Variants in ZNF177 observed in about 807,000 individuals in gnomAD.
ZNF177 encodes the protein zinc finger protein 177.
In ZNF177, 17 loss-of-function variants were observed where a neutral mutation model predicts 19.4. The observed-to-expected ratio is 0.87, with a 90% confidence interval of 0.60 to 1.31. The LOEUF is 1.31. Ranked by LOEUF, ZNF177 falls within the 40% of genes most tolerant of loss-of-function variation. ZNF177 has a pLI of 0.00. For missense variants in ZNF177, 633 were observed against 561.8 expected, an observed-to-expected ratio of 1.13 and a Z score of -1.28; for synonymous variants, 220 against 188.7, an observed-to-expected ratio of 1.17 and a Z score of -1.36.
intron 2 of ZNF177, among the ~76,000 whole-genome samples, chr19:9,369,218 G>C (rs1247234066): frequency 6.6e-6 from 1 of 151,744 alleles, no homozygotes; most frequent in East Asian, 1.9e-4. Context: ...TTTTTCATAT[G>C]ATCTTTCTAT....
At chr19:9,363,897 C>T (rs2067941238) in intron 1 of ZNF177, among the ~76,000 whole-genome samples, 1 of 152,220 alleles carries the variant, frequency 6.6e-6, no homozygotes, top group Non-Finnish European at 1.5e-5. Flanking sequence ...TCCTTGCTGC[C>T]TTCCAGGTCT....
upstream of ZNF177, among the ~76,000 whole-genome samples, chr19:9,375,328 A>G (rs1045581276): frequency 6.6e-6 from 1 of 152,156 alleles, no homozygotes; most frequent in East Asian, 1.9e-4. Flanking sequence ...TGGCTTTGGT[A>G]TCAGTGTAAT....
chr19:9,378,408 G>A (rs1331955271), intron 2 of ZNF177, 64 bp downstream of exon 4: 7 of 1,602,798 alleles, frequency 4.4e-6, no homozygotes, highest in South Asian at 2.2e-5. Flanking sequence ...CACATCTCTT[G>A]CCCCTGACCT....
upstream of ZNF177, among the ~76,000 whole-genome samples, chr19:9,372,004 C>T (rs1452553462): frequency 6.6e-6 from 1 of 151,890 alleles, no homozygotes; most frequent in Non-Finnish European, 1.5e-5. Context: ...TGCTTTTTAC[C>T]ACCTGACACC....
At chr19:9,381,645 C>T (rs1031082362) in exon 6 of ZNF177, 3 of 1,613,700 alleles carry the variant, frequency 1.9e-6, no homozygotes, top group African/African-American at 2.7e-5. Context: ...ATTCCTCTTG[C>T]CTGAGGGTAC....
intron 2 of ZNF177, among the ~76,000 whole-genome samples, chr19:9,368,361 G>A (rs1599384120): frequency 6.6e-6 from 1 of 151,916 alleles, no homozygotes; most frequent in Admixed American, 6.6e-5. Flanking sequence ...TTGGTAAGTT[G>A]TATTTCTGTA....
At chr19:9,381,254 G>T (rs2122567198) in exon 6 of ZNF177, 1 of 1,614,124 alleles carries the variant, frequency 6.2e-7, no homozygotes. Flanking sequence ...TCTCATACTG[G>T]AGAGAAGCCT....
At chr19:9,377,816 G>A (rs963254623) in intron 1 of ZNF177, among the ~76,000 whole-genome samples, 2 of 151,932 alleles carry the variant, frequency 1.3e-5, no homozygotes, top group African/African-American at 4.8e-5. Flanking sequence ...AAGTAATTTC[G>A]GGATATTAAC....
intron 1 of ZNF177, among the ~76,000 whole-genome samples, chr19:9,363,932 A>C (rs927548265): frequency 1.3e-5 from 2 of 152,190 alleles, no homozygotes; most frequent in African/African-American, 4.8e-5. Flanking sequence ...TCAGCTTGTC[A>C]CTACTTACAT....
chr19:9,381,974 C>A, exon 6 of ZNF177: 1 of 770,696 alleles, frequency 1.3e-6, no homozygotes, highest in African/African-American at 1.7e-5. Flanking sequence ...TTATATGTGT[C>A]ACAACTGTAG....
chr19:9,379,345 C>T (rs920229956), intron 3 of ZNF177, among the ~76,000 whole-genome samples, 182 bp from the exon 6 acceptor site: 6 of 152,234 alleles, frequency 3.9e-5, no homozygotes, highest in African/African-American at 7.2e-5. Flanking sequence ...CCATATAGGG[C>T]GTGGACCATG....
At chr19:9,381,426 G>C in exon 6 of ZNF177, 5 of 1,614,064 alleles carry the variant, frequency 3.1e-6, no homozygotes, top group Non-Finnish European at 4.2e-6. Context: ...ACACTGGAGA[G>C]AAACCCTATG....
Position 9,382,130 on chromosome 19 carries a change from C to T in ZNF177, c.*353C>T, listed in dbSNP as rs2068212650. 2.5e-5 allele frequency: 10 copies of T among 397,116 alleles called. No individual in the cohort carries two copies. The South Asian group carries it at 9.6e-4, about 38-fold the overall frequency. 24.6% of individuals were successfully genotyped at this position (397,116 alleles called of 1,614,324 possible). ...GTACTGTGGCAGACAGAACTAGTTG[C>T]TGTCTCAATATCCATTCCTCCCTTC... On this transcript the variant is annotated 3_prime_UTR_variant, in exon 6 of 6. Transcript: ENST00000589262.
intron 5 of ZNF177, 108 bp downstream of exon 7, chr19:9,380,247 T>C: frequency 7.6e-7 from 1 of 1,309,116 alleles, no homozygotes; most frequent in East Asian, 2.6e-5. Flanking sequence ...GGCACCAGGC[T>C]TTCACCAGAA....
intron 2 of ZNF177, among the ~76,000 whole-genome samples, chr19:9,369,657 A>AT (rs5827055): frequency 0.61 from 92,793 of 151,190 alleles, 29,185 homozygotes; most frequent in African/African-American, 0.75. Flanking sequence ...CATTTGACCT[A>AT]TTTTTTTTGT....
chr19:9,382,353 A>C (rs893799345), downstream of ZNF177: 4 of 398,926 alleles, frequency 1.0e-5, no homozygotes, highest in African/African-American at 6.2e-5. Context: ...TTTCTTAACT[A>C]TTTGCCCTTT....
exon 6 of ZNF177, chr19:9,381,095 G>A: frequency 6.2e-7 from 1 of 1,612,506 alleles, no homozygotes; most frequent in Non-Finnish European, 8.5e-7. Context: ...GTGGAGGAGG[G>A]TTTGGAATGT....
chr19:9,374,306 T>C (rs137969484), upstream of ZNF177, among the ~76,000 whole-genome samples: 1 of 152,326 alleles, frequency 6.6e-6, no homozygotes, highest in East Asian at 1.9e-4. Context: ...ACCTTTGTAA[T>C]ATATTTGAAA....
upstream of ZNF177, among the ~76,000 whole-genome samples, chr19:9,373,712 A>T (rs375019828): frequency 1.3e-5 from 2 of 152,176 alleles, no homozygotes; most frequent in African/African-American, 2.4e-5. Flanking sequence ...GCACTTTTTC[A>T]TATACCTACT....
Sources: allele counts gnomAD v4.1 joint callset (sites outside exome capture counted in the v4.1 genomes callset), GRCh38; gene constraint gnomAD v4.1.1; transcripts MANE v1.5; gene names NCBI Gene and HGNC (gene_info 2026-07-23, HGNC 2026-07-21).